Variants in AHR observed in about 807,000 individuals in gnomAD.
The protein encoded by AHR is AH-receptor.
Under a neutral mutation model 86.8 loss-of-function variants are expected in AHR, and 40 were observed. The observed-to-expected ratio is 0.46, with a 90% confidence interval of 0.36 to 0.60. The LOEUF (loss-of-function observed/expected upper bound fraction) is 0.60, where lower values mean the gene tolerates loss of function less well. Ranked by LOEUF, AHR falls within the 20% of genes least tolerant of loss-of-function variation. The pLI, the probability that AHR is intolerant of heterozygous loss-of-function variation, is 0.00. For missense variants in AHR, 1,001 were observed against 1,011.6 expected (o/e 0.99, Z 0.14); for synonymous variants, 398 against 354.9 (o/e 1.12, Z -1.37).
chr7:17,340,083 A>C lies in AHR; in HGVS notation c.2258A>C (p.Asn753Thr). 1 of 1,614,180 alleles carries C rather than the reference A, an allele frequency of 6.2e-7. No homozygotes were observed. The highest frequency in any genetic ancestry group is 8.5e-7 in the Non-Finnish European group (1 of 1,180,022). Residue 753 changes from asparagine to threonine, a missense_variant, in exon 10 of 11, where the codon AAT becomes ACT. Asn to Thr is a moderately conservative substitution (Grantham distance 65). Transcript: ENST00000242057. ...CCTGAAAACCAAAAGCATGGATTAA[A>C]TCCACAGTCAGCCATAATAACTCCT... ...QLPENQKHGL[N>T]PQSAIITPQT...
intron 1 of AHR, among the ~76,000 whole-genome samples, chr7:17,301,305 A>G (rs1358327804): frequency 6.6e-6 from 1 of 152,050 alleles, no homozygotes; most frequent in Non-Finnish European, 1.5e-5. Context: ...TTTATAATGC[A>G]GTTAATCAAA....
chr7:17,340,015 C>A lies in AHR; in HGVS notation c.2190C>A (p.Pro730=). ...GGAGTTTTGAACCATCCCCATACCC[C>A]ACTACTTCTAGTTTAGAAGATTTTG... is the stretch of plus-strand genomic sequence containing the variant. ...PMGSFEPSPY[P]TTSSLEDFVT... Residue 730 remains proline (P), a synonymous_variant, in exon 10 of 11, where the codon CCC becomes CCA. Coordinates refer to ENST00000242057, the MANE Select transcript of AHR (RefSeq NM_001621.5). 6.2e-7 allele frequency: 1 copy of A among 1,614,220 alleles called. No individual in the cohort carries two copies. The highest frequency in any genetic ancestry group is 8.5e-7 in the Non-Finnish European group (1 of 1,180,042).
chr7:17,313,794 C>A (rs1364522088), intron 2 of AHR, among the ~76,000 whole-genome samples: 2 of 151,988 alleles, frequency 1.3e-5, no homozygotes, highest in Non-Finnish European at 2.9e-5. Flanking sequence ...ATTTAAATAA[C>A]AATGGTTACA....
chr7:17,299,217 C>T lies in AHR; in HGVS notation c.-48C>T. 1 of 1,595,332 alleles carries T rather than the reference C, an allele frequency of 6.3e-7. No individual in the cohort carries two copies. The highest frequency in any genetic ancestry group is 1.1e-5 in the South Asian group (1 of 89,090). On this transcript the variant is annotated 5_prime_UTR_variant, in exon 1 of 11. Coordinates refer to ENST00000242057, the MANE Select transcript of AHR (RefSeq NM_001621.5). ...CCCAGCCTACACCGGGTTCCGGGGA[C>T]CCGGCCGCCAGTGCCCGGGGAGTAG...
At chr7:17,310,962 T>C (rs1395599309) in intron 2 of AHR, among the ~76,000 whole-genome samples, 1 of 152,244 alleles carries the variant, frequency 6.6e-6, no homozygotes, top group Non-Finnish European at 1.5e-5. Context: ...ATTGTGTCAC[T>C]GAAAACTGTT....
chr7:17,342,695 T>G (rs565510062), intron 10 of AHR, among the ~76,000 whole-genome samples: 5 of 152,258 alleles, frequency 3.3e-5, no homozygotes, highest in Admixed American at 3.3e-4. Context: ...TGTTCAAAAT[T>G]TCCTGTCAAA....
At chr7:17,302,272 A>C (rs1046204378) in intron 1 of AHR, among the ~76,000 whole-genome samples, 21 of 152,036 alleles carry the variant, frequency 1.4e-4, no homozygotes, top group Admixed American at 1.2e-3. Flanking sequence ...AAGTGTCAGA[A>C]CTGGAAGTCA....
At chr7:17,335,146 A>C in intron 8 of AHR, 150 bp downstream of exon 8, 1 of 532,870 alleles carries the variant, frequency 1.9e-6, no homozygotes, top group Non-Finnish European at 3.3e-6. Flanking sequence ...CCAGGGTTAC[A>C]CTCTTTGTTC....
chr7:17,339,442 G>A lies in AHR; in HGVS notation c.1617G>A (p.Leu539=), dbSNP rs754340852. 1.2e-6 allele frequency: 2 copies of A among 1,614,146 alleles called. No individual in the cohort carries two copies. The highest frequency in any genetic ancestry group is 1.3e-5 in the African/African-American group (1 of 75,034). The change falls in exon 10 of 11, where the codon TTG becomes TTA. Residue 539 remains leucine, a synonymous_variant. Transcript: ENST00000242057. ...TTCAAGATAGTAAAAACAGTGACTT[G>A]TACAGCATAATGAAAAACCTAGGCA... ...GLFQDSKNSD[L]YSIMKNLGID... is the part of the protein sequence containing the mutation.
In AHR at chr7:17,340,059, C is replaced by G. The variant is rs780199912; in HGVS notation, c.2234C>G (p.Pro745Arg). 1.9e-6 allele frequency: 3 copies of G among 1,614,098 alleles called. No individual in the cohort carries two copies. The African/African-American group carries it at 4.0e-5, about 22-fold the overall frequency. Residue 745 changes from proline (P) to arginine (R), a missense_variant, in exon 10 of 11, where the codon CCT (proline) becomes CGT (arginine). Physicochemically the swap from Pro to Arg is moderately radical, Grantham distance 103. Transcript: ENST00000242057. ...GATTTTGTCACTTGTTTACAACTTCCTGAAAACCAAAAGCATGGATTAAAT... is the reference window on the plus strand; with the variant it reads ...GATTTTGTCACTTGTTTACAACTTCGTGAAAACCAAAAGCATGGATTAAAT... ...LEDFVTCLQLPENQKHGLNPQ... is the reference protein window; with the variant it reads ...LEDFVTCLQLRENQKHGLNPQ...
chr7:17,324,111 G>C lies in AHR; in HGVS notation c.360+1504G>C, dbSNP rs184984682. 6.6e-5 allele frequency among the ~76,000 whole-genome samples: 10 copies of C among 152,276 alleles called. No individual in the cohort carries two copies. In the East Asian group the frequency reaches 1.3e-3, roughly 21 times the overall value. ...AATAATATGAATGCAAAGCTGTAAA[G>C]CTATAATTATATGGAATATATATAT... On this transcript the variant is annotated intron_variant, in intron 3 of 10. Coordinates refer to ENST00000242057, the MANE Select transcript of AHR (RefSeq NM_001621.5).
chr7:17,305,261 C>T (rs1781993991), intron 1 of AHR, among the ~76,000 whole-genome samples: 2 of 152,082 alleles, frequency 1.3e-5, no homozygotes, highest in South Asian at 2.1e-4. Context: ...AAGTTGGGGT[C>T]TATTTGTGCT....
At chr7:17,317,116 G>GTTT (rs66779121) in intron 2 of AHR, among the ~76,000 whole-genome samples, 33,091 of 123,472 alleles carry the variant, frequency 0.27, 5,880 homozygotes, top group Non-Finnish European at 0.36. Context: ...GGAGAATTTT[G>GTTT]TTTTTTTTTT....
intron 2 of AHR, among the ~76,000 whole-genome samples, chr7:17,310,691 C>T (rs950775574): frequency 1.3e-5 from 2 of 151,884 alleles, no homozygotes; most frequent in Non-Finnish European, 2.9e-5. Context: ...CCCACCACCA[C>T]GCCCAGCTAA....
chr7:17,327,990 T>G (rs1782246904), intron 4 of AHR, 142 bp downstream of exon 4: 1 of 266,896 alleles, frequency 3.7e-6, no homozygotes, highest in African/African-American at 2.2e-5. Context: ...AATAATTTTT[T>G]CTAATATTAA....
Position 17,343,034 on chromosome 7 carries a change from T to C in AHR, c.2517T>C (p.Phe839=). The C allele has an allele frequency of 1.2e-6, 2 of 1,613,964 alleles. No individual in the cohort carries two copies. Among genetic ancestry groups the C allele is most frequent in the South Asian group, 1.1e-5 (1 of 91,050 alleles). The change falls in exon 11 of 11, where the codon TTT becomes TTC. Residue 839 remains phenylalanine (F), a synonymous_variant. Transcript: ENST00000242057. The part of the protein sequence containing the change: ...PLHHPSEARP[F]PDLTSSGFL Reference sequence around the variant, plus strand: ...ATCATCCGTCAGAAGCCAGACCTTTTCCTGATTTGACATCCAGTGGATTCC... The same window carrying C: ...ATCATCCGTCAGAAGCCAGACCTTTCCCTGATTTGACATCCAGTGGATTCC...
At position 17,344,983 on chromosome 7, in the gene AHR, A is replaced by G. The variant is rs1283248291; in HGVS notation, c.*1919A>G. The G allele has an allele frequency of 6.6e-6, 1 of 151,216 alleles. No individual in the cohort carries two copies. Among genetic ancestry groups the G allele is most frequent in the East Asian group, 1.9e-4 (1 of 5,184 alleles). 9.4% of individuals were successfully genotyped at this position (151,216 alleles called of 1,614,324 possible). A position where few individuals can be genotyped will look rare whatever the true frequency, so the allele number is the denominator to read the frequency against. ...AGCTTAGACACATTTTGCATGTATT[A>G]TTTGAAAATCTGATGGAATCCCAAA... On this transcript the variant is annotated 3_prime_UTR_variant, in exon 11 of 11. Transcript: ENST00000242057.
At chr7:17,312,476 ATATT>A (rs561136854) in intron 2 of AHR, among the ~76,000 whole-genome samples, 110 of 152,352 alleles carry the variant, frequency 7.2e-4, no homozygotes, top group Non-Finnish European at 6.6e-4. Flanking sequence ...ATATATTTCT[ATATT>A]TAATGTCTAC....
Position 17,339,428 on chromosome 7 carries a change from A to G in AHR, c.1603A>G (p.Lys535Glu), listed in dbSNP as rs1264038414. 1 of 1,614,222 alleles carries G rather than the reference A, an allele frequency of 6.2e-7. No homozygotes were observed. Among genetic ancestry groups the G allele is most frequent in the South Asian group, 1.1e-5 (1 of 91,084 alleles). The change falls in exon 10 of 11, where the codon AAA becomes GAA. Residue 535 changes from lysine to glutamate, a missense_variant. Transcript: ENST00000242057. The part of the protein sequence containing the change: ...GGHPGLFQDS[K>E]NSDLYSIMKN... ...TCACCCAGGGCTCTTTCAAGATAGT[A>G]AAAACAGTGACTTGTACAGCATAAT...
Sources: gnomAD v4.1 joint callset for allele counts (sites outside exome capture counted in the v4.1 genomes callset) on GRCh38, gnomAD v4.1.1 for gene constraint, MANE v1.5 for transcripts, NCBI Gene and HGNC (gene_info 2026-07-23, HGNC 2026-07-21) for gene names.